AXIN1: variants seen among roughly 807,000 people sequenced by gnomAD.
AXIN1 encodes the protein axin 1, also known as axin-1.
Under a neutral mutation model 76.4 loss-of-function variants are expected in AXIN1, and 30 were observed. The observed-to-expected ratio is 0.39, with a 90% CI of 0.29 to 0.53. The LOEUF (loss-of-function observed/expected upper bound fraction) is 0.53. Among genes scored for constraint, AXIN1 ranks in the 20% least tolerant of loss-of-function variants. AXIN1 has a pLI of 0.66. For missense variants in AXIN1, 1,140 were observed against 1,198.8 expected (o/e 0.95, Z 0.72); for synonymous variants, 545 against 501.4 (o/e 1.09, Z -1.16).
At chr16:340,917 TC>T (rs984653046) in intron 2 of AXIN1, among the ~76,000 whole-genome samples, 4 of 152,184 alleles carry the variant, frequency 2.6e-5, no homozygotes, top group African/African-American at 9.6e-5. Flanking sequence ...CACTCAGGCG[TC>T]CCACAGGGGA....
intron 2 of AXIN1, among the ~76,000 whole-genome samples, chr16:322,866 G>A (rs1391516978): frequency 1.3e-5 from 2 of 152,236 alleles, no homozygotes; most frequent in African/African-American, 2.4e-5. Flanking sequence ...GTGGCCTGGG[G>A]GAAGAGGTGA....
At chr16:294,820 T>C (rs979335003) in intron 7 of AXIN1, among the ~76,000 whole-genome samples, 7 of 149,624 alleles carry the variant, frequency 4.7e-5, no homozygotes, top group African/African-American at 1.7e-4. Flanking sequence ...CCCAGCACTT[T>C]GGGAGGCTGA....
At chr16:289,048 A>C (rs2052473905) in intron 10 of AXIN1, among the ~76,000 whole-genome samples, 1 of 151,052 alleles carries the variant, frequency 6.6e-6, no homozygotes, top group Admixed American at 6.6e-5. Flanking sequence ...CAGATGAGGG[A>C]CATGAGCTGA....
intron 2 of AXIN1, among the ~76,000 whole-genome samples, chr16:323,525 T>TA (rs2053509758): frequency 6.7e-6 from 1 of 150,256 alleles, no homozygotes; most frequent in African/African-American, 2.5e-5. Context: ...CTCAAAACTG[T>TA]AATCCCAGCA....
chr16:310,401 T>A (rs951972622), intron 3 of AXIN1, among the ~76,000 whole-genome samples: 2 of 152,160 alleles, frequency 1.3e-5, no homozygotes, highest in Non-Finnish European at 2.9e-5. Context: ...ACATTTTTTT[T>A]TCTTCTTTTT....
intron 4 of AXIN1, among the ~76,000 whole-genome samples, chr16:305,888 C>T (rs2053010309): frequency 6.6e-6 from 1 of 152,104 alleles, no homozygotes; most frequent in South Asian, 2.1e-4. Context: ...TCTTGCTGTC[C>T]AGGCTGGCCT....
At chr16:305,786 C>T (rs895564118) in intron 4 of AXIN1, among the ~76,000 whole-genome samples, 11 of 152,122 alleles carry the variant, frequency 7.2e-5, no homozygotes, top group Non-Finnish European at 1.5e-4. Context: ...CCTCGTGATC[C>T]GCCTGCCTCA....
chr16:313,360 T>C (rs912430279), intron 3 of AXIN1, among the ~76,000 whole-genome samples: 1 of 152,142 alleles, frequency 6.6e-6, no homozygotes, highest in Admixed American at 6.5e-5. Context: ...AACATATTCA[T>C]AAAAAGATGG....
chr16:311,314 G>A lies in AXIN1; in HGVS notation c.1020-1245C>T, dbSNP rs1184573881. Among the ~76,000 whole-genome samples the A allele has an allele frequency of 4.6e-5, 7 of 151,870 alleles. No individual in the cohort carries two copies. In the East Asian group the frequency reaches 7.8e-4, roughly 17 times the overall value. On this transcript the variant is annotated intron_variant, in intron 3 of 10. Transcript: ENST00000262320. ...CAAACTGCTGGGATTACAGGCATGCGCCACCGCGCCCAGCCCGCAACAGGT... is the reference window on the plus strand; with the variant it reads ...CAAACTGCTGGGATTACAGGCATGCACCACCGCGCCCAGCCCGCAACAGGT...
At chr16:291,427 TC>T in intron 8 of AXIN1, 130 bp from the exon 9 acceptor site, 1 of 788,324 alleles carries the variant, frequency 1.3e-6, no homozygotes, top group Non-Finnish European at 2.1e-6. Flanking sequence ...CTGCGCAGGC[TC>T]CAGTTTGCAG....
chr16:290,027 C>T (rs574033655), intron 9 of AXIN1: 17 of 269,278 alleles, frequency 6.3e-5, no homozygotes, highest in African/African-American at 2.7e-4. Context: ...AGCCTGACCC[C>T]GCAGCGAAGT....
intron 3 of AXIN1, 147 bp downstream of exon 3, chr16:314,396 C>G (rs1048073204): frequency 1.6e-6 from 2 of 1,267,904 alleles, no homozygotes; most frequent in Non-Finnish European, 2.2e-6. Context: ...CGCTCTGCAG[C>G]AGGGTGGGAC....
intron 2 of AXIN1, among the ~76,000 whole-genome samples, chr16:325,787 C>T (rs1337125420): frequency 2.6e-5 from 4 of 152,210 alleles, no homozygotes; most frequent in East Asian, 1.9e-4. Flanking sequence ...TCTCTCATGA[C>T]GGGGCCTTCG....
intron 10 of AXIN1, 198 bp from the exon 11 acceptor site, chr16:288,446 TGGG>T: frequency 1.3e-6 from 1 of 778,484 alleles, no homozygotes; most frequent in Non-Finnish European, 2.1e-6. Flanking sequence ...TGGGCAGCCA[TGGG>T]GGGTGAGTTC....
chr16:330,013 G>T (rs547752586), intron 2 of AXIN1, among the ~76,000 whole-genome samples: 6 of 151,282 alleles, frequency 4.0e-5, no homozygotes, highest in Non-Finnish European at 7.4e-5. Context: ...TGATCCTCCC[G>T]CCTCGACCTT....
At chr16:333,189 G>A (rs562066033) in intron 2 of AXIN1, among the ~76,000 whole-genome samples, 4 of 152,202 alleles carry the variant, frequency 2.6e-5, no homozygotes, top group African/African-American at 9.6e-5. Context: ...AAAATTAGCT[G>A]GGTGTGGTGG....
intron 3 of AXIN1, 48 bp from the exon 4 acceptor site, chr16:310,117 G>C (rs1420075320): frequency 6.5e-7 from 1 of 1,543,724 alleles, no homozygotes. Flanking sequence ...GAGCAGGAGG[G>C]CCAGCACCGT....
intron 8 of AXIN1, chr16:292,913 G>C: frequency 8.3e-6 from 1 of 120,328 alleles, no homozygotes; most frequent in Non-Finnish European, 1.7e-5. Flanking sequence ...TGGACGTCCC[G>C]GATGAGAGAA....
Position 348,869 on chromosome 16 carries a change from C to T in AXIN1, c.-81-1763G>A, listed in dbSNP as rs1047771982. 5.3e-5 allele frequency among the ~76,000 whole-genome samples: 8 copies of T among 151,726 alleles called. No individual in the cohort carries two copies. The South Asian group carries it at 6.2e-4, about 12-fold the overall frequency. On this transcript the variant is annotated intron_variant, in intron 1 of 10. Coordinates refer to ENST00000262320, the MANE Select transcript of AXIN1 (RefSeq NM_003502.4). Reference sequence around the variant, plus strand: ...ATCCCAGCACTTTGGGAAGCCAAGGCGGGCGGATCACGAGGTCAAGAGATC... The same window carrying T: ...ATCCCAGCACTTTGGGAAGCCAAGGTGGGCGGATCACGAGGTCAAGAGATC...
Sources: gnomAD v4.1 joint callset for allele counts (sites outside exome capture counted in the v4.1 genomes callset) on GRCh38, gnomAD v4.1.1 for gene constraint, MANE v1.5 for transcripts, NCBI Gene and HGNC (gene_info 2026-07-23, HGNC 2026-07-21) for gene names.